ZNF836: variants seen among roughly 807,000 people sequenced by gnomAD.
ZNF836 encodes the protein zinc finger protein 836.
Under a neutral mutation model 7.4 loss-of-function variants are expected in ZNF836, and 12 were observed. The ratio of observed to expected loss-of-function variants is 1.61; its 90% CI spans 1.03 to 2.61. The LOEUF (loss-of-function observed/expected upper bound fraction) is 2.61, where lower values mean the gene tolerates loss of function less well. ZNF836 is among the 30% of genes most tolerant of loss of function. ZNF836 has a pLI of 0.00. For missense variants in ZNF836, 998 were observed against 1,126.2 expected (o/e 0.89, Z 1.63); for synonymous variants, 365 against 382.6 (o/e 0.95, Z 0.54).
intron 3 of ZNF836, among the ~76,000 whole-genome samples, chr19:52,167,390 T>A (rs1315758634): frequency 1.4e-5 from 2 of 139,386 alleles, no homozygotes; most frequent in African/African-American, 5.5e-5. Context: ...GAGAATCACT[T>A]GAACCAGGGA....
chr19:52,170,266 A>T (rs1428835463), intron 1 of ZNF836: 1 of 151,774 alleles, frequency 6.6e-6, no homozygotes, highest in Non-Finnish European at 1.5e-5. Flanking sequence ...CTTTCTCCCC[A>T]ATCTTTCTGA....
At chr19:52,169,194 GA>G (rs2089289549) in intron 2 of ZNF836, among the ~76,000 whole-genome samples, 1 of 152,176 alleles carries the variant, frequency 6.6e-6, no homozygotes, top group African/African-American at 2.4e-5. Context: ...TCTTATTTCA[GA>G]AGTCAGTAAT....
At chr19:52,159,352 A>G (rs2089193569) in intron 4 of ZNF836, among the ~76,000 whole-genome samples, 1 of 152,222 alleles carries the variant, frequency 6.6e-6, no homozygotes, top group Admixed American at 6.5e-5. Context: ...ACAAATAAGG[A>G]CAGTAAGACT....
chr19:52,170,660 G>T (rs887709707), intron 1 of ZNF836, among the ~76,000 whole-genome samples: 4 of 151,362 alleles, frequency 2.6e-5, no homozygotes, highest in African/African-American at 9.7e-5. Flanking sequence ...TTCTCCATTC[G>T]TTCTCTTTCA....
At position 52,155,669 on chromosome 19, in the gene ZNF836, C is replaced by T; in HGVS notation, c.2014G>A (p.Gly672Ser). ...CTTGAACGCTGAGTATAGGCTTTGC[C>T]ACAATCATTACATTTGTAAGGTTTC... ...GEKPYKCNDCGKAYTQRSSLT... is the reference protein window; with the variant it reads ...GEKPYKCNDCSKAYTQRSSLT... Residue 672 changes from glycine (G) to serine (S), a missense_variant, in exon 5 of 5, where the codon GGC (glycine) becomes AGC (serine). By Grantham distance (56) the Gly-to-Ser change is moderately conservative. Coordinates refer to ENST00000682614, the MANE Select transcript of ZNF836 (RefSeq NM_001102657.3). 1 of 1,614,130 alleles carries T rather than the reference C, an allele frequency of 6.2e-7. No individual in the cohort carries two copies. The highest frequency in any genetic ancestry group is 1.6e-4 in the Middle Eastern group (1 of 6,062).
chr19:52,155,146 C>G lies in ZNF836; in HGVS notation c.2537G>C (p.Arg846Thr), dbSNP rs764639183. Residue 846 changes from arginine to threonine, a missense_variant, in exon 5 of 5, where the codon AGG becomes ACG. Coordinates refer to ENST00000682614, the MANE Select transcript of ZNF836 (RefSeq NM_001102657.3). Reference sequence around the variant, plus strand: ...TCTTTGATGGTACACCAGCTTTGACCTTTCAATAAAAGCTTTACCACATTC... The same window carrying G: ...TCTTTGATGGTACACCAGCTTTGACGTTTCAATAAAAGCTTTACCACATTC... The part of the protein sequence containing the change: ...CNECGKAFIE[R>T]SKLVYHQRNH... The G allele has an allele frequency of 1.9e-6, 3 of 1,613,808 alleles. No homozygotes were observed. Among genetic ancestry groups the G allele is most frequent in the Non-Finnish European group, 2.5e-6 (3 of 1,179,932 alleles).
chr19:52,155,755 C>T lies in ZNF836; in HGVS notation c.1928G>A (p.Cys643Tyr). ...TGAGTAGTAACTGAAAACCTTGCCG[C>T]ATTCGTTACATTGAAACGGCTTCTC... ...TGEKPFQCNE[C>Y]GKVFSYYSCL... The change falls in exon 5 of 5, where the codon TGC becomes TAC. Residue 643 changes from cysteine to tyrosine, a missense_variant. Coordinates refer to ENST00000682614, the MANE Select transcript of ZNF836 (RefSeq NM_001102657.3). The T allele has an allele frequency of 6.2e-7, 1 of 1,614,168 alleles. No individual in the cohort carries two copies. Among genetic ancestry groups the T allele is most frequent in the Non-Finnish European group, 8.5e-7 (1 of 1,180,004 alleles).
chr19:52,166,463 A>G (rs957845088), intron 3 of ZNF836, among the ~76,000 whole-genome samples: 1 of 151,794 alleles, frequency 6.6e-6, no homozygotes, highest in Admixed American at 6.6e-5. Context: ...TAACATATCC[A>G]TCATCTCAGA....
At chr19:52,164,026 G>C (rs915678945) in intron 3 of ZNF836, among the ~76,000 whole-genome samples, 1 of 116,974 alleles carries the variant, frequency 8.5e-6, no homozygotes, top group African/African-American at 3.1e-5. Flanking sequence ...AGAAGGAAAA[G>C]AAAAAGAAGG....
chr19:52,155,596 C>A lies in ZNF836; in HGVS notation c.2087G>T (p.Cys696Phe), dbSNP rs370085080. The change falls in exon 5 of 5, where the codon TGT becomes TTT. Residue 696 changes from cysteine to phenylalanine, a missense_variant. Transcript: ENST00000682614. ...GATAAATGCCCCTCCAAACTCATTA[C>A]AATTGTAAGGTTTCTCTCCAGTATG... is the stretch of plus-strand genomic sequence containing the variant. ...IIHTGEKPYN[C>F]NEFGGAFIQS... 3 of 1,614,004 alleles carry A rather than the reference C, an allele frequency of 1.9e-6. No homozygotes were observed. The highest frequency in any genetic ancestry group is 1.1e-5 in the South Asian group (1 of 91,082).
At chr19:52,157,631 C>T in intron 4 of ZNF836, 91 bp from the exon 5 acceptor site, 1 of 1,257,324 alleles carries the variant, frequency 8.0e-7, no homozygotes, top group South Asian at 1.9e-5. Flanking sequence ...AGTGGAGTGG[C>T]ACAATCTCAG....
intron 3 of ZNF836, among the ~76,000 whole-genome samples, chr19:52,165,668 C>T (rs1463192231): frequency 6.6e-6 from 1 of 152,128 alleles, no homozygotes. Flanking sequence ...GTGATCGCTT[C>T]CTCTAGGATG....
intron 3 of ZNF836, among the ~76,000 whole-genome samples, chr19:52,162,138 C>T (rs1372671334): frequency 6.6e-6 from 1 of 152,210 alleles, no homozygotes; most frequent in Non-Finnish European, 1.5e-5. Context: ...TTGTTGGGAT[C>T]ACCCCACATG....
In ZNF836 at chr19:52,155,607, T is replaced by G. The variant is rs1449775558; in HGVS notation, c.2076A>C (p.Lys692Asn). The G allele has an allele frequency of 2.5e-6, 4 of 1,613,928 alleles. No individual in the cohort carries two copies. The African/African-American group carries it at 5.3e-5, about 22-fold the overall frequency. The change falls in exon 5 of 5, where the codon AAA becomes AAC. Residue 692 changes from lysine (K) to asparagine (N), a missense_variant. Physicochemically the swap from Lys to Asn is moderately conservative, Grantham distance 94 (BLOSUM62 0). Coordinates refer to ENST00000682614, the MANE Select transcript of ZNF836 (RefSeq NM_001102657.3). ...CTCCAAACTCATTACAATTGTAAGG[T>G]TTCTCTCCAGTATGAATTATCAGAT... ...TKHLIIHTGE[K>N]PYNCNEFGGA...
rs2122200173 is a variant in ZNF836 at position 52,155,173 on chromosome 19, T to C, written c.2510A>G (p.Asn837Ser). The change falls in exon 5 of 5, where the codon AAT becomes AGT. Residue 837 changes from asparagine to serine, a missense_variant. Physicochemically the swap from Asn to Ser is conservative, Grantham distance 46. Coordinates refer to ENST00000682614, the MANE Select transcript of ZNF836 (RefSeq NM_001102657.3). ...TTCAATAAAAGCTTTACCACATTCA[T>C]TACATTTGTAAGGTTTGTCCCCAGT... is the stretch of plus-strand genomic sequence containing the variant. ...MHTGDKPYKC[N>S]ECGKAFIERS... 1.9e-6 allele frequency: 3 copies of C among 1,614,126 alleles called. No homozygotes were observed. The highest frequency in any genetic ancestry group is 2.5e-6 in the Non-Finnish European group (3 of 1,179,998).
At chr19:52,164,487 G>C (rs7508755) in intron 3 of ZNF836, among the ~76,000 whole-genome samples, 5 of 83,218 alleles carry the variant, frequency 6.0e-5, no homozygotes, top group African/African-American at 2.8e-4. Context: ...GAAAGAAAGA[G>C]AAAGAAAAAG....
chr19:52,160,817 T>C (rs2089207095), intron 3 of ZNF836, among the ~76,000 whole-genome samples: 1 of 152,216 alleles, frequency 6.6e-6, no homozygotes, highest in Non-Finnish European at 1.5e-5. Context: ...TTGTGTACAA[T>C]GCAAGAAATA....
Position 52,161,328 on chromosome 19 carries a change from A to G in ZNF836, c.16-737T>C, listed in dbSNP as rs2089210912. Among the ~76,000 whole-genome samples, 1 of 152,222 alleles carries G rather than the reference A, an allele frequency of 6.6e-6. No homozygotes were observed. Among genetic ancestry groups the G allele is most frequent in the African/African-American group, 2.4e-5 (1 of 41,464 alleles). On this transcript the variant is annotated intron_variant, in intron 3 of 4. Coordinates refer to ENST00000682614, the MANE Select transcript of ZNF836 (RefSeq NM_001102657.3). This position sits in a 1 kb window ranked among gnomAD's most constrained non-coding sequence, Gnocchi z 4.1. ...GGTAATTTATGAACAATAGAAATGT[A>G]TTTCTCATGATTCTGCTGGCTGGGG... is the stretch of plus-strand genomic sequence containing the variant.
rs2089155917 is a variant in ZNF836 at position 52,156,126 on chromosome 19, A to T, written c.1557T>A (p.Ile519=). ...ATTGGTAACGTTTCTCTCTGGTATGAATTATCTTATGTCGAGTGAGTAATG... is the reference window on the plus strand; with the variant it reads ...ATTGGTAACGTTTCTCTCTGGTATGTATTATCTTATGTCGAGTGAGTAATG... ...QGSLLTRHKI[I]HTREKRYQCG... The change falls in exon 5 of 5, where the codon ATT becomes ATA. Residue 519 remains isoleucine, a synonymous_variant. Coordinates refer to ENST00000682614, the MANE Select transcript of ZNF836 (RefSeq NM_001102657.3). 6.2e-7 allele frequency: 1 copy of T among 1,613,980 alleles called. No individual in the cohort carries two copies. The highest frequency in any genetic ancestry group is 1.3e-5 in the African/African-American group (1 of 74,930).
Sources: allele counts gnomAD v4.1 joint callset (sites outside exome capture counted in the v4.1 genomes callset), GRCh38; gene constraint gnomAD v4.1.1; non-coding constraint Gnocchi (gnomAD v3.1); transcripts MANE v1.5; gene names NCBI Gene and HGNC (gene_info 2026-07-23, HGNC 2026-07-21).